Variants in SRGAP3 observed in about 807,000 individuals in gnomAD.
The protein encoded by SRGAP3 is SLIT-ROBO Rho GTPase activating protein 3.
SRGAP3 carries 39 observed loss-of-function variants against 121.1 expected under a neutral mutation model. The ratio of observed to expected loss-of-function variants is 0.32; its 90% CI spans 0.25 to 0.42. The LOEUF (loss-of-function observed/expected upper bound fraction) is 0.42. Ranked by LOEUF, SRGAP3 falls within the 10% of genes least tolerant of loss-of-function variation. SRGAP3 has a pLI of 1.00. For synonymous variants in SRGAP3, 601 were observed against 570.0 expected, an observed-to-expected ratio of 1.05 and a Z score of -0.77; for missense variants, 1,213 against 1,470.6, an observed-to-expected ratio of 0.82 and a Z score of 2.86.
intron 1 of SRGAP3, among the ~76,000 whole-genome samples, chr3:9,341,156 A>C (rs935738213): frequency 6.6e-6 from 1 of 152,150 alleles, no homozygotes. Flanking sequence ...TTACTTCCTA[A>C]ACACCCTCGC....
Position 9,299,354 on chromosome 3 carries a change from C to T in SRGAP3, n.442+26656G>A, listed in dbSNP as rs189519445. ...CCAGCCTGGTGGCAGAGCGAGACTC[C>T]GTCCCAAAAAAAAAAAAAAAAAGAA... is the stretch of plus-strand genomic sequence containing the variant. On this transcript the variant is annotated intron_variant and non_coding_transcript_variant, in intron 3 of 3. Transcript: ENST00000490889. Among the ~76,000 whole-genome samples, 364 of 134,532 alleles carry T rather than the reference C, an allele frequency of 2.7e-3. 12 individuals carry two copies. The South Asian group carries it at 0.047, about 17-fold the overall frequency. 88.3% of individuals were successfully genotyped at this position (134,532 alleles called of 152,430 possible).
intron 3 of SRGAP3, among the ~76,000 whole-genome samples, chr3:9,300,798 G>A (rs998506883): frequency 1.3e-5 from 2 of 152,192 alleles, no homozygotes; most frequent in Admixed American, 6.5e-5. Flanking sequence ...GTGGGTAGTG[G>A]ACAAATATTG....
At chr3:9,180,554 C>A (rs1276616410) in intron 1 of SRGAP3, among the ~76,000 whole-genome samples, 1 of 152,132 alleles carries the variant, frequency 6.6e-6, no homozygotes, top group Non-Finnish European at 1.5e-5. Flanking sequence ...TGGTCCAGTT[C>A]CTACAGGCAA....
chr3:9,244,555 G>A (rs538914273), intron 1 of SRGAP3, among the ~76,000 whole-genome samples: 68 of 152,296 alleles, frequency 4.5e-4, no homozygotes, highest in African/African-American at 1.5e-3. Flanking sequence ...CTGGCAGCAA[G>A]ATGAATTAGA....
chr3:9,139,929 C>T (rs1949791004), intron 1 of SRGAP3, among the ~76,000 whole-genome samples: 1 of 152,086 alleles, frequency 6.6e-6, no homozygotes, highest in Admixed American at 6.6e-5. Flanking sequence ...TTCTATCATA[C>T]ACCACCACAT....
chr3:9,294,292 T>C lies in SRGAP3; in HGVS notation n.442+31718A>G, dbSNP rs150860035. 2.0e-3 allele frequency among the ~76,000 whole-genome samples: 300 copies of C among 152,316 alleles called. 1 individual carries two copies. The highest frequency in any genetic ancestry group is 6.7e-3 in the African/African-American group (277 of 41,568). ...CAGAAACAGAAAACCAAATACTGCA[T>C]GTTCTCACTTACAAGTGGGAGCTAA... On this transcript the variant is annotated intron_variant and non_coding_transcript_variant, in intron 3 of 3. Transcript: ENST00000490889.
intron 3 of SRGAP3, among the ~76,000 whole-genome samples, chr3:9,086,632 T>TAC (rs1325799986): frequency 5.7e-5 from 8 of 141,428 alleles, no homozygotes; most frequent in Non-Finnish European, 7.8e-5. Flanking sequence ...TACACATATA[T>TAC]ACACCCACAT....
chr3:9,286,884 G>A lies in SRGAP3; in HGVS notation n.442+39126C>T, dbSNP rs189159731. On this transcript the variant is annotated intron_variant and non_coding_transcript_variant, in intron 3 of 3. Transcript: ENST00000490889. ...CCCAAAGTGCTGGGATTACAGGCGT[G>A]AGCCACCGCCCCTAGGCTATCTTGT... 2.6e-3 allele frequency among the ~76,000 whole-genome samples: 384 copies of A among 148,458 alleles called. 12 individuals carry two copies. The South Asian group carries it at 0.044, about 17-fold the overall frequency.
chr3:9,098,780 A>G (rs1948090851), intron 3 of SRGAP3, among the ~76,000 whole-genome samples: 1 of 152,202 alleles, frequency 6.6e-6, no homozygotes, highest in African/African-American at 2.4e-5. Flanking sequence ...ACTGTTTGTT[A>G]TCTATAATTA....
In SRGAP3 at chr3:9,025,257, C is replaced by T; in HGVS notation, c.1678+4G>A. 1 of 1,614,120 alleles carries T rather than the reference C, an allele frequency of 6.2e-7. No homozygotes were observed. Among genetic ancestry groups the T allele is most frequent in the Non-Finnish European group, 8.5e-7 (1 of 1,180,010 alleles). ...CAAGCCTAAGATGGTCGCTCTGCAC[C>T]CACCTCTCTCAAAGGAATTTTTGAT... On this transcript the variant is annotated splice_donor_region_variant and intron_variant, in intron 14 of 21. Coordinates refer to ENST00000383836, the MANE Select transcript of SRGAP3 (RefSeq NM_014850.4).
chr3:9,359,991 G>A (rs1317168443), intron 1 of SRGAP3, among the ~76,000 whole-genome samples: 1 of 152,176 alleles, frequency 6.6e-6, no homozygotes, highest in Non-Finnish European at 1.5e-5. Context: ...GTACAGTGGT[G>A]CAATCATAGT....
chr3:9,337,311 C>T (rs1451220527), intron 1 of SRGAP3, among the ~76,000 whole-genome samples: 2 of 152,172 alleles, frequency 1.3e-5, no homozygotes, highest in South Asian at 2.1e-4. Context: ...TCTGGGTAAC[C>T]ATGGCCTAGT....
At chr3:9,088,135 A>T (rs1031963318) in intron 3 of SRGAP3, among the ~76,000 whole-genome samples, 2 of 152,160 alleles carry the variant, frequency 1.3e-5, no homozygotes, top group African/African-American at 4.8e-5. Flanking sequence ...GCGACACCAT[A>T]CCCAGCCCTT....
At chr3:9,015,786 C>A in intron 14 of SRGAP3, 55 bp from the exon 15 acceptor site, 1 of 1,609,544 alleles carries the variant, frequency 6.2e-7, no homozygotes. Flanking sequence ...AGTCAGAGAA[C>A]GTGCAGATGG....
chr3:9,029,990 AAT>A (rs61345871), intron 12 of SRGAP3, among the ~76,000 whole-genome samples: 23,511 of 151,238 alleles, frequency 0.16, 2,272 homozygotes, highest in Admixed American at 0.3. Context: ...AAAAAAAAAA[AAT>A]TATTTTTTAA....
chr3:9,077,016 G>T (rs1399961952), intron 4 of SRGAP3, among the ~76,000 whole-genome samples: 1 of 151,846 alleles, frequency 6.6e-6, no homozygotes, highest in Non-Finnish European at 1.5e-5. Flanking sequence ...ACAACGTGCA[G>T]GTTTGTTACG....
chr3:9,058,396 G>A lies in SRGAP3; in HGVS notation c.878C>T (p.Thr293Ile). Residue 293 changes from threonine (T) to isoleucine (I), a missense_variant, in exon 7 of 22, where the codon ACC (threonine) becomes ATC (isoleucine). This residue lies in a region of SRGAP3 where 793 missense variants were observed against 1,032.9 expected (regional missense o/e 0.77). Transcript: ENST00000383836. ...TYLSAEYNLE[T>I]SRHEGLDVIE... ...GACATCCAGCCCTTCGTGGCGAGAG[G>A]TCTCCAGGTTGTATTCAGCTGAGAG... 6.2e-7 allele frequency: 1 copy of A among 1,614,236 alleles called. No homozygotes were observed. The highest frequency in any genetic ancestry group is 1.6e-4 in the Middle Eastern group (1 of 6,062).
chr3:9,339,349 G>A (rs1955744546), intron 1 of SRGAP3, among the ~76,000 whole-genome samples: 1 of 152,132 alleles, frequency 6.6e-6, no homozygotes, highest in South Asian at 2.1e-4. Context: ...CTAAAGGCAG[G>A]GAGCTTAAAT....
At chr3:9,342,109 G>A (rs188544022) in intron 1 of SRGAP3, among the ~76,000 whole-genome samples, 103 of 152,244 alleles carry the variant, frequency 6.8e-4, no homozygotes, top group Non-Finnish European at 9.3e-4. Flanking sequence ...CCAGCACTTC[G>A]GGAAGCCGAG....
Sources: gnomAD v4.1 joint callset for allele counts (sites outside exome capture counted in the v4.1 genomes callset) on GRCh38, gnomAD v4.1.1 for gene constraint, gnomAD v4.1.1 regional missense constraint, MANE v1.5 for transcripts, NCBI Gene and HGNC (gene_info 2026-07-23, HGNC 2026-07-21) for gene names.